The following REC8 variants were observed in gnomAD, a reference collection of about 807,000 sequenced individuals.
The protein encoded by REC8 is meiotic recombination protein REC8 homolog.
In REC8, 42 loss-of-function variants were observed where a neutral mutation model predicts 78.3. The observed-to-expected ratio is 0.54, with a 90% confidence interval of 0.42 to 0.69. The LOEUF (loss-of-function observed/expected upper bound fraction) is 0.69. Ranked by LOEUF, REC8 falls within the 30% of genes least tolerant of loss-of-function variation. The probability of loss-of-function intolerance (pLI) is 0.00; values close to 1 mark genes in which losing one functional copy is unlikely to be tolerated. For missense variants in REC8, 581 were observed against 715.8 expected, an observed-to-expected ratio of 0.81 and a Z score of 2.15; for synonymous variants, 268 against 274.1, an observed-to-expected ratio of 0.98 and a Z score of 0.22.
chr14:24,173,415 G>A lies in REC8; in HGVS notation c.462+4G>A. 6.2e-7 allele frequency: 1 copy of A among 1,613,936 alleles called. No homozygotes were observed. The stretch of plus-strand genomic sequence containing the variant: ...TAGTCCTTTCGATATCCCTCAGGTA[G>A]GGCTCATTCCCCAAGACTCGTGAAT... On this transcript the variant is annotated splice_donor_region_variant and intron_variant, in intron 5 of 18. Transcript: ENST00000611366.
At chr14:24,174,872 T>A (rs1253444329) in intron 5 of REC8, among the ~76,000 whole-genome samples, 2 of 152,142 alleles carry the variant, frequency 1.3e-5, no homozygotes, top group Non-Finnish European at 2.9e-5. Context: ...TGTTTTACCC[T>A]TTGCCTTGAC....
rs2038920976 is a variant in REC8, at chr14:24,176,908, T to A, written c.624+7T>A. Reference sequence around the variant, plus strand: ...ACGGATGCTGGAGATTGAGGTGAGTTCCCCTGCACACAGGGCCTGAGGTCC... The same window carrying A: ...ACGGATGCTGGAGATTGAGGTGAGTACCCCTGCACACAGGGCCTGAGGTCC... On this transcript the variant is annotated splice_region_variant and intron_variant, in intron 7 of 18. Transcript: ENST00000611366. 2 of 1,610,706 alleles carry A rather than the reference T, an allele frequency of 1.2e-6. No individual in the cohort carries two copies. The highest frequency in any genetic ancestry group is 2.7e-5 in the African/African-American group (2 of 74,926).
Position 24,175,546 on chromosome 14 carries a change from C to G in REC8, c.466C>G (p.Arg156Gly). 6.2e-7 allele frequency: 1 copy of G among 1,613,222 alleles called. No individual in the cohort carries two copies. Among genetic ancestry groups the G allele is most frequent in the African/African-American group, 1.3e-5 (1 of 75,008 alleles). ...LPSPFDIPQI[R>G]HLLEAAIPER... ...TGTTTCCAATCCCTCTCCAAAGATT[C>G]GACACCTCTTAGAGGCTGCAATCCC... is the stretch of plus-strand genomic sequence containing the variant. Residue 156 changes from arginine to glycine, a missense_variant, in exon 6 of 19, where the codon CGA becomes GGA. Coordinates refer to ENST00000611366, the MANE Select transcript of REC8 (RefSeq NM_001048205.2).
At chr14:24,180,717 G>A (rs2039121194), downstream of REC8, 3 of 1,614,172 alleles carry the variant, frequency 1.9e-6, no homozygotes, top group Non-Finnish European at 2.5e-6. Context: ...CAGCCAGAAT[G>A]AGGCTGCAGA....
chr14:24,180,530 T>A, downstream of REC8: 1 of 1,614,042 alleles, frequency 6.2e-7, no homozygotes, highest in Non-Finnish European at 8.5e-7. Context: ...GGTGTGCTGT[T>A]TGGCCAGGAA....
chr14:24,178,610 T>C lies in REC8; in HGVS notation c.1001T>C (p.Met334Thr), dbSNP rs1316930084. The C allele has an allele frequency of 1.9e-6, 3 of 1,613,884 alleles. No individual in the cohort carries two copies. The highest frequency in any genetic ancestry group is 2.2e-5 in the East Asian group (1 of 44,882). The change falls in exon 13 of 19, where the codon ATG becomes ACG. Residue 334 changes from methionine to threonine, a missense_variant. Coordinates refer to ENST00000611366, the MANE Select transcript of REC8 (RefSeq NM_001048205.2). ...QTRAHCWECP[M>T]VQPPERTIRG... ...TGACCTTCCCCCACTACACAGCCTATGGTGCAGCCGCCCGAGAGGACCATC... is the reference window on the plus strand; with the variant it reads ...TGACCTTCCCCCACTACACAGCCTACGGTGCAGCCGCCCGAGAGGACCATC...
Position 24,172,792 on chromosome 14 carries a change from GA to G in REC8, c.125+15del. 6.2e-7 allele frequency: 1 copy of G among 1,614,198 alleles called. No homozygotes were observed. The highest frequency in any genetic ancestry group is 2.2e-5 in the East Asian group (1 of 44,884). ...TGTGGTGAAAACCTGGTAAGGCCCAGAAAAGGGAAGGAGGGCCTGGTGCGGG... is the reference window on the plus strand; with the variant it reads ...TGTGGTGAAAACCTGGTAAGGCCCAGAAAGGGAAGGAGGGCCTGGTGCGGG... On this transcript the variant is annotated intron_variant, in intron 2 of 18. Coordinates refer to ENST00000611366, the MANE Select transcript of REC8 (RefSeq NM_001048205.2).
At position 24,172,695 on chromosome 14, in the gene REC8, C is replaced by A. The variant is rs772300344; in HGVS notation, c.57-18C>A. The A allele has an allele frequency of 6.2e-7, 1 of 1,614,190 alleles. No homozygotes were observed. Among genetic ancestry groups the A allele is most frequent in the Admixed American group, 1.7e-5 (1 of 60,034 alleles). On this transcript the variant is annotated intron_variant, in intron 1 of 18. Coordinates refer to ENST00000611366, the MANE Select transcript of REC8 (RefSeq NM_001048205.2). ...TCCCCCTCCATCCCCATTCTCCCAC[C>A]TTCCCCACCCACTTCAGGCTGGCGG...
rs377353947 is a variant in REC8, at chr14:24,179,427, A to G, written c.1283A>G (p.Lys428Arg). 2 of 1,614,038 alleles carry G rather than the reference A, an allele frequency of 1.2e-6. No individual in the cohort carries two copies. Among genetic ancestry groups the G allele is most frequent in the African/African-American group, 2.7e-5 (2 of 74,936 alleles). Reference sequence around the variant, plus strand: ...TCCCTAGAGGCAGCTGAAGAGGAGAAGTCCCGCATCAGCCTCATCCCACCA... The same window carrying G: ...TCCCTAGAGGCAGCTGAAGAGGAGAGGTCCCGCATCAGCCTCATCCCACCA... ...EISLEAAEEE[K>R]SRISLIPPEE... The change falls in exon 16 of 19, where the codon AAG becomes AGG. Residue 428 changes from lysine to arginine, a missense_variant. Physicochemically the swap from Lys to Arg is conservative, Grantham distance 26. Coordinates refer to ENST00000611366, the MANE Select transcript of REC8 (RefSeq NM_001048205.2).
At position 24,172,522 on chromosome 14, in the gene REC8, G is replaced by A; in HGVS notation, c.-31G>A. The A allele has an allele frequency of 6.2e-7, 1 of 1,600,806 alleles. No homozygotes were observed. Among genetic ancestry groups the A allele is most frequent in the Non-Finnish European group, 8.5e-7 (1 of 1,170,890 alleles). On this transcript the variant is annotated 5_prime_UTR_variant, in exon 1 of 19. In the 5' UTR this introduces an upstream ATG that the reference lacks. Coordinates refer to ENST00000611366, the MANE Select transcript of REC8 (RefSeq NM_001048205.2). ...CGACTCAGATCCGAACGGGGATCTG[G>A]TGGAATCGAGGGTGAAAGACCAGAG...
downstream of REC8, chr14:24,180,411 T>C (rs772239919): frequency 2.5e-6 from 4 of 1,595,656 alleles, no homozygotes; most frequent in East Asian, 4.5e-5. Flanking sequence ...GGGCAGGCTC[T>C]ATTCTCTCTG....
intron 13 of REC8, 34 bp from the exon 14 acceptor site, chr14:24,178,743 T>C: frequency 6.2e-7 from 1 of 1,611,052 alleles, no homozygotes; most frequent in Non-Finnish European, 8.5e-7. Flanking sequence ...TCCTCACGCC[T>C]CAAACCCCGT....
chr14:24,173,512 G>C, intron 5 of REC8, 101 bp downstream of exon 5: 1 of 1,559,792 alleles, frequency 6.4e-7, no homozygotes, highest in Non-Finnish European at 8.6e-7. Flanking sequence ...GCTTACCACA[G>C]CTCTCTCCCA....
At chr14:24,177,271 C>T in intron 8 of REC8, 49 bp downstream of exon 8, 1 of 1,612,314 alleles carries the variant, frequency 6.2e-7, no homozygotes, top group Non-Finnish European at 8.5e-7. Context: ...GATAGTCAGA[C>T]CCCTGGCGTG....
Position 24,177,717 on chromosome 14 carries a change from C to G in REC8, c.823C>G (p.Pro275Ala). The change falls in exon 11 of 19, where the codon CCC becomes GCC. Residue 275 changes from proline (P) to alanine (A), a missense_variant. Pro to Ala is a conservative substitution (Grantham distance 27). Transcript: ENST00000611366. ...EPGALLMEVT[P>A]PEELRLPAPP... ...CTTGGGTGTTGTTGCAGAGGTGACC[C>G]CCCCGGAGGAGCTGCGTCTGCCAGC... is the stretch of plus-strand genomic sequence containing the variant. 2 of 1,610,728 alleles carry G rather than the reference C, an allele frequency of 1.2e-6. No individual in the cohort carries two copies. Among genetic ancestry groups the G allele is most frequent in the South Asian group, 1.1e-5 (1 of 90,780 alleles).
At chr14:24,179,511 G>C (rs370260906) in intron 16 of REC8, 48 bp downstream of exon 16, 18 of 1,613,736 alleles carry the variant, frequency 1.1e-5, no homozygotes, top group Admixed American at 1.7e-5. Flanking sequence ...CCCTTGGCCA[G>C]GTGGTGGAAA....
chr14:24,178,621 C>G lies in REC8; in HGVS notation c.1012C>G (p.Pro338Ala). The part of the protein sequence containing the change: ...HCWECPMVQP[P>A]ERTIRGPAEL... ...CACTACACAGCCTATGGTGCAGCCG[C>G]CCGAGAGGACCATCAGAGGCCCTGC... Residue 338 changes from proline to alanine, a missense_variant, in exon 13 of 19, where the codon CCC becomes GCC. Physicochemically the swap from Pro to Ala is conservative, Grantham distance 27. Coordinates refer to ENST00000611366, the MANE Select transcript of REC8 (RefSeq NM_001048205.2). The G allele has an allele frequency of 6.2e-7, 1 of 1,614,060 alleles. No homozygotes were observed. Among genetic ancestry groups the G allele is most frequent in the Non-Finnish European group, 8.5e-7 (1 of 1,179,976 alleles).
Position 24,172,434 on chromosome 14 carries a change from C to G in REC8, c.-119C>G. 2 of 1,081,970 alleles carry G rather than the reference C, an allele frequency of 1.8e-6. No individual in the cohort carries two copies. The highest frequency in any genetic ancestry group is 2.6e-6 in the Non-Finnish European group (2 of 758,790). The allele number at this position is 1,081,970 out of a possible 1,614,324, so 67.0% of individuals were successfully genotyped here. On this transcript the variant is annotated 5_prime_UTR_variant, in exon 1 of 19. Transcript: ENST00000611366. ...CTTTCTAGGTGCACCCACCTTGCCA[C>G]CAGAGAAGTCCAAATCCTGACTTCT...
intron 5 of REC8, among the ~76,000 whole-genome samples, chr14:24,174,793 A>G (rs896066142): frequency 3.3e-5 from 5 of 151,996 alleles, no homozygotes; most frequent in Admixed American, 2.6e-4. Flanking sequence ...GCCCTTCTCT[A>G]TGAAATATTT....
Sources: allele counts gnomAD v4.1 joint callset (sites outside exome capture counted in the v4.1 genomes callset), GRCh38; gene constraint gnomAD v4.1.1; transcripts MANE v1.5; gene names NCBI Gene and HGNC (gene_info 2026-07-23, HGNC 2026-07-21).